The following PPP3CC variants were observed in gnomAD, a reference collection of about 807,000 sequenced individuals.
The protein encoded by PPP3CC is serine/threonine-protein phosphatase 2B catalytic subunit gamma isoform.
A neutral mutation model predicts 60.3 loss-of-function variants in PPP3CC; 35 were observed. The ratio of observed to expected loss-of-function variants is 0.58; its 90% CI spans 0.44 to 0.77. PPP3CC has a LOEUF of 0.77. Ranked by LOEUF, PPP3CC falls within the 30% of genes least tolerant of loss-of-function variation. The pLI is 0.00. For missense variants in PPP3CC, 570 were observed against 628.9 expected, an observed-to-expected ratio of 0.91 and a Z score of 1.00; for synonymous variants, 206 against 224.3, an observed-to-expected ratio of 0.92 and a Z score of 0.73.
intron 1 of PPP3CC, among the ~76,000 whole-genome samples, chr8:22,470,873 T>C (rs1837701375): frequency 6.6e-6 from 1 of 152,190 alleles, no homozygotes; most frequent in African/African-American, 2.4e-5. Context: ...CCCCATAAAC[T>C]TTCAGTCCCA....
At chr8:22,506,533 CTGCATGTGTA>C (rs1475328721) in intron 4 of PPP3CC, among the ~76,000 whole-genome samples, 1 of 152,160 alleles carries the variant, frequency 6.6e-6, no homozygotes, top group Non-Finnish European at 1.5e-5. Flanking sequence ...ACATATATGT[CTGCATGTGTA>C]TGCATAGAAC....
rs187288079 is a variant in PPP3CC, at chr8:22,475,734, C to T, written c.372+110C>T. On this transcript the variant is annotated intron_variant, in intron 3 of 13. Coordinates refer to ENST00000240139, the MANE Select transcript of PPP3CC (RefSeq NM_005605.5). ...TGAGAACTCTGGCAGAATTTATAAA[C>T]TTTGTTACTTTCAAAATTAAAGTAG... 9,658 of 1,066,158 alleles carry T rather than the reference C, an allele frequency of 9.1e-3. 71 individuals are homozygous for T. Among genetic ancestry groups the T allele is most frequent in the Non-Finnish European group, 9.6e-3 (7,528 of 787,682 alleles). 66.0% of individuals were successfully genotyped at this position (1,066,158 alleles called of 1,614,324 possible). A position where few individuals can be genotyped will look rare whatever the true frequency, so the allele number is the denominator to read the frequency against.
At chr8:22,497,967 CAAAG>C (rs769804559) in intron 3 of PPP3CC, 30 bp from the exon 4 acceptor site, 19 of 1,464,770 alleles carry the variant, frequency 1.3e-5, no homozygotes, top group Non-Finnish European at 1.6e-5. Flanking sequence ...ATAATGGTCA[CAAAG>C]AAAATTTTAT....
chr8:22,492,814 A>G, intron 3 of PPP3CC: 2 of 1,004,678 alleles, frequency 2.0e-6, no homozygotes, highest in Non-Finnish European at 3.2e-6. Context: ...ATATGTTTAC[A>G]AACCAAGGAA....
intron 3 of PPP3CC, among the ~76,000 whole-genome samples, chr8:22,493,599 G>A (rs144332691): frequency 2.0e-5 from 3 of 151,814 alleles, no homozygotes; most frequent in Non-Finnish European, 2.9e-5. Flanking sequence ...ATGCACGTGC[G>A]CACGCATCTA....
intron 1 of PPP3CC, among the ~76,000 whole-genome samples, chr8:22,463,789 C>CTT (rs903248905): frequency 3.6e-5 from 5 of 140,696 alleles, no homozygotes; most frequent in African/African-American, 5.2e-5. Context: ...TGTATGTTTT[C>CTT]TTTTTTTTTT....
intron 13 of PPP3CC, among the ~76,000 whole-genome samples, chr8:22,540,204 T>C (rs1839929225): frequency 6.6e-6 from 1 of 152,212 alleles, no homozygotes; most frequent in South Asian, 2.1e-4. Flanking sequence ...ATGTGGCCTT[T>C]GTGCGAAAAG....
At chr8:22,469,094 T>G (rs191022993) in intron 1 of PPP3CC, among the ~76,000 whole-genome samples, 140 of 152,286 alleles carry the variant, frequency 9.2e-4, no homozygotes, top group African/African-American at 3.2e-3. Context: ...GAGTATCTAT[T>G]AGTGGATGAA....
Position 22,469,497 on chromosome 8 carries a change from T to C in PPP3CC, c.50-5457T>C, listed in dbSNP as rs146622097. 1.5e-3 allele frequency among the ~76,000 whole-genome samples: 234 copies of C among 152,170 alleles called. 2 individuals are homozygous for C. The highest frequency in any genetic ancestry group is 3.4e-3 in the Middle Eastern group (1 of 294). On this transcript the variant is annotated intron_variant, in intron 1 of 13. Coordinates refer to ENST00000240139, the MANE Select transcript of PPP3CC (RefSeq NM_005605.5). ...GAACATCCTGAAGACCCTGGCTTAA[T>C]ACTATGCATAATATACATGTAACAT...
At chr8:22,450,448 G>C (rs1836977965) in intron 1 of PPP3CC, among the ~76,000 whole-genome samples, 1 of 152,174 alleles carries the variant, frequency 6.6e-6, no homozygotes, top group African/African-American at 2.4e-5. Context: ...TGACCAGCCT[G>C]GGAATCAGGC....
At chr8:22,490,977 G>C (rs1433798279) in intron 3 of PPP3CC, among the ~76,000 whole-genome samples, 2 of 152,082 alleles carry the variant, frequency 1.3e-5, no homozygotes, top group Non-Finnish European at 2.9e-5. Context: ...CCAGTAATGG[G>C]ATAAGATATA....
At chr8:22,527,666 C>T (rs1163582853) in intron 9 of PPP3CC, 149 bp downstream of exon 9, 13 of 932,772 alleles carry the variant, frequency 1.4e-5, no homozygotes, top group South Asian at 7.4e-5. Flanking sequence ...GATGGAGTCT[C>T]GCTCTGTCAC....
At chr8:22,515,815 A>G (rs1202770358) in intron 6 of PPP3CC, among the ~76,000 whole-genome samples, 7 of 152,126 alleles carry the variant, frequency 4.6e-5, no homozygotes, top group African/African-American at 1.7e-4. Context: ...AAATTGGATT[A>G]TTGGATTTTT....
rs775311088 is a variant in PPP3CC, at chr8:22,528,570, A to G, written c.1134A>G (p.Glu378=). ...ATGACGAACTGATTTCTGATGATGA[A>G]GCAGAAGGTAAACTTTTCCTCCTTT... The part of the protein sequence containing the change: ...CSDDELISDD[E]AEGSTTVRKE... The change falls in exon 10 of 14, where the codon GAA becomes GAG. Residue 378 remains glutamate, a synonymous_variant. Coordinates refer to ENST00000240139, the MANE Select transcript of PPP3CC (RefSeq NM_005605.5). The G allele has an allele frequency of 6.5e-7, 1 of 1,544,306 alleles. No individual in the cohort carries two copies. The highest frequency in any genetic ancestry group is 1.3e-5 in the South Asian group (1 of 75,826).
At position 22,441,441 on chromosome 8, in the gene PPP3CC, C is replaced by G. The variant is rs762468493; in HGVS notation, c.32C>G (p.Thr11Ser). MSGRRFHLSTTDRVIKAVPFP... is the reference protein window; with the variant it reads MSGRRFHLSTSDRVIKAVPFP... ...GGGAGGCGCTTCCACCTCTCCACCA[C>G]CGACCGCGTCATCAAAGGTGCCTGG... The change falls in exon 1 of 14, where the codon ACC becomes AGC. Residue 11 changes from threonine (T) to serine (S), a missense_variant. Transcript: ENST00000240139. 1.9e-6 allele frequency: 3 copies of G among 1,547,344 alleles called. No individual in the cohort carries two copies. Among genetic ancestry groups the G allele is most frequent in the East Asian group, 2.4e-5 (1 of 40,828 alleles).
intron 3 of PPP3CC, among the ~76,000 whole-genome samples, chr8:22,497,265 G>A (rs184491513): frequency 1.3e-5 from 2 of 152,148 alleles, no homozygotes; most frequent in Admixed American, 1.3e-4. Context: ...CCGACCTCCG[G>A]TGATCTGCCC....
Position 22,497,862 on chromosome 8 carries a change from C to T in PPP3CC, c.373-139C>T, listed in dbSNP as rs1425081035. On this transcript the variant is annotated intron_variant, in intron 3 of 13. Transcript: ENST00000240139. ...TCAAATTCTAGGGCAATAAGTATAT[C>T]ACATTCAAAAGGTTTCATTTTTCAA... 5.1e-6 allele frequency: 3 copies of T among 583,386 alleles called. No homozygotes were observed. In the Admixed American group the frequency reaches 1.0e-4, roughly 20 times the overall value. 36.1% of individuals were successfully genotyped at this position (583,386 alleles called of 1,614,324 possible). A position where few individuals can be genotyped will look rare whatever the true frequency, so the allele number is the denominator to read the frequency against.
At chr8:22,533,463 A>T (rs1353534675) in intron 12 of PPP3CC, among the ~76,000 whole-genome samples, 2 of 152,258 alleles carry the variant, frequency 1.3e-5, no homozygotes, top group East Asian at 3.8e-4. Context: ...ACTATAAATC[A>T]ATAGGAAAAA....
At chr8:22,446,746 C>T (rs1836834243) in intron 1 of PPP3CC, among the ~76,000 whole-genome samples, 1 of 127,204 alleles carries the variant, frequency 7.9e-6, no homozygotes, top group South Asian at 2.4e-4. Flanking sequence ...GCAGAAGTTG[C>T]AGTGAACTGA....
Sources: gnomAD v4.1 joint callset for allele counts (sites outside exome capture counted in the v4.1 genomes callset) on GRCh38, gnomAD v4.1.1 for gene constraint, MANE v1.5 for transcripts, NCBI Gene and HGNC (gene_info 2026-07-23, HGNC 2026-07-21) for gene names.